Variants in PCLAF observed in about 807,000 individuals in gnomAD.
PCLAF encodes the protein PCNA clamp associated factor, also known as PCNA-associated factor.
Under a neutral mutation model 15.1 loss-of-function variants are expected in PCLAF, and 12 were observed. The ratio of observed to expected loss-of-function variants is 0.79; its 90% confidence interval spans 0.51 to 1.29. The LOEUF (loss-of-function observed/expected upper bound fraction) is 1.29, where lower values mean the gene tolerates loss of function less well. Among genes scored for constraint, PCLAF ranks in the 50% most tolerant of loss-of-function variants. PCLAF has a pLI of 0.00. For missense variants in PCLAF, 116 were observed against 130.9 expected (o/e 0.89, Z 0.56); for synonymous variants, 33 against 47.1 (o/e 0.70, Z 1.22).
At chr15:64,374,042 T>C (rs1899476781) in intron 3 of PCLAF, among the ~76,000 whole-genome samples, 1 of 152,162 alleles carries the variant, frequency 6.6e-6, no homozygotes, top group Non-Finnish European at 1.5e-5. Flanking sequence ...TGCAAATTTT[T>C]TGTTAAAAGT....
At chr15:64,369,323 T>C (rs1472377605) in intron 3 of PCLAF, among the ~76,000 whole-genome samples, 1 of 131,346 alleles carries the variant, frequency 7.6e-6, no homozygotes, top group African/African-American at 2.9e-5. Context: ...ATCTCACCAC[T>C]GCACTCCAGC....
chr15:64,375,443 C>T (rs1336637076), intron 3 of PCLAF, among the ~76,000 whole-genome samples: 1 of 151,998 alleles, frequency 6.6e-6, no homozygotes, highest in Non-Finnish European at 1.5e-5. Flanking sequence ...CAGGTCCTCA[C>T]TCTGCCACCC....
rs570568065 is a variant in PCLAF, at chr15:64,371,657, G to A, written c.290+5086C>T. Among the ~76,000 whole-genome samples the A allele has an allele frequency of 2.6e-5, 4 of 152,204 alleles. No individual in the cohort carries two copies. The South Asian group carries it at 6.2e-4, about 24-fold the overall frequency. ...CTCGCTCTGTCACCCAGGCAGGAGT[G>A]CAGTGGCGCAATCTTGGCTCACTCC... On this transcript the variant is annotated intron_variant, in intron 3 of 3. Coordinates refer to ENST00000300035, the MANE Select transcript of PCLAF (RefSeq NM_014736.6).
chr15:64,370,163 C>T (rs551948117), intron 3 of PCLAF, among the ~76,000 whole-genome samples: 30 of 150,556 alleles, frequency 2.0e-4, no homozygotes, highest in Non-Finnish European at 3.4e-4. Context: ...ACTGCAGCCT[C>T]GAATGCCTGG....
chr15:64,381,168 C>G, intron 1 of PCLAF, 130 bp from the exon 2 acceptor site: 1 of 1,186,344 alleles, frequency 8.4e-7, no homozygotes, highest in Non-Finnish European at 1.2e-6. Flanking sequence ...CCTGCCCCTG[C>G]GACTTCCTCT....
chr15:64,383,403 T>G (rs567595437), upstream of PCLAF, among the ~76,000 whole-genome samples: 12 of 151,652 alleles, frequency 7.9e-5, no homozygotes, highest in African/African-American at 2.9e-4. Context: ...GTCTCACTTC[T>G]TCGCCCAGGT....
At chr15:64,382,044 G>T (rs1313511454), upstream of PCLAF, among the ~76,000 whole-genome samples, 3 of 152,066 alleles carry the variant, frequency 2.0e-5, no homozygotes, top group Non-Finnish European at 4.4e-5. Context: ...CACATAAAAA[G>T]AAACTAATAA....
upstream of PCLAF, chr15:64,381,496 G>T (rs116766191): frequency 1.3e-6 from 2 of 1,576,974 alleles, no homozygotes; most frequent in Admixed American, 3.6e-5. Flanking sequence ...CGCGCTCCAA[G>T]GTCTCTCCCG....
At chr15:64,366,912 G>T (rs942484561) in intron 3 of PCLAF, among the ~76,000 whole-genome samples, 1 of 151,994 alleles carries the variant, frequency 6.6e-6, no homozygotes, top group South Asian at 2.1e-4. Context: ...GGTGGAGCTT[G>T]AAGTGAGCTG....
At chr15:64,372,480 G>A (rs949350329) in intron 3 of PCLAF, among the ~76,000 whole-genome samples, 32 of 151,858 alleles carry the variant, frequency 2.1e-4, no homozygotes, top group African/African-American at 6.8e-4. Flanking sequence ...CGGGCGTGGC[G>A]GCGTGCGCCT....
chr15:64,381,543 G>A, upstream of PCLAF: 1 of 1,485,626 alleles, frequency 6.7e-7, no homozygotes, highest in Non-Finnish European at 9.0e-7. Flanking sequence ...CGTTCCCCCT[G>A]AACCAATTGC....
In PCLAF at chr15:64,364,541, A is replaced by T. The variant is rs1898955786; in HGVS notation, c.*1489T>A. 1 of 152,070 alleles carries T rather than the reference A, an allele frequency of 6.6e-6. No individual in the cohort carries two copies. The highest frequency in any genetic ancestry group is 2.4e-5 in the African/African-American group (1 of 41,400). 9.4% of individuals were successfully genotyped at this position (152,070 alleles called of 1,614,324 possible). A position where few individuals can be genotyped will look rare whatever the true frequency, so the allele number is the denominator to read the frequency against. ...GCCTTTCATGTTATATTGACTTCCA[A>T]CTTTAAAATTATATTTTATGATAGC... On this transcript the variant is annotated 3_prime_UTR_variant, in exon 4 of 4. Transcript: ENST00000300035.
chr15:64,383,272 A>G (rs1323062367), upstream of PCLAF, among the ~76,000 whole-genome samples: 1 of 152,162 alleles, frequency 6.6e-6, no homozygotes, highest in African/African-American at 2.4e-5. Flanking sequence ...ATCTAAGGTT[A>G]CAGCCAAATC....
chr15:64,381,115 G>T, intron 1 of PCLAF, 77 bp from the exon 2 acceptor site: 1 of 1,410,086 alleles, frequency 7.1e-7, no homozygotes. Flanking sequence ...CCAGCAGCTT[G>T]GAGAGGAGAG....
At chr15:64,382,932 CA>C (rs1219156031), upstream of PCLAF, 1 of 189,552 alleles carries the variant, frequency 5.3e-6, no homozygotes, top group Non-Finnish European at 1.1e-5. Context: ...GCGGAGGTTG[CA>C]GTGAGCCGAG....
At chr15:64,381,586 T>G (rs940298443), upstream of PCLAF, 4 of 1,375,490 alleles carry the variant, frequency 2.9e-6, no homozygotes, top group Non-Finnish European at 3.8e-6. Context: ...CGAGGCTTCT[T>G]GCAGCGCGAA....
exon 1 of PCLAF, chr15:64,387,461 C>T (rs1899972649): frequency 7.9e-7 from 1 of 1,266,266 alleles, no homozygotes; most frequent in East Asian, 6.1e-5. Flanking sequence ...CTTACAATAC[C>T]TTCCACGTGC....
intron 2 of PCLAF, among the ~76,000 whole-genome samples, chr15:64,380,586 C>T (rs1162672359): frequency 6.6e-6 from 1 of 151,910 alleles, no homozygotes; most frequent in Non-Finnish European, 1.5e-5. Flanking sequence ...TACCTGTAGC[C>T]CCAGCTACTT....
rs376046794 is a variant in PCLAF, at chr15:64,368,975, G to A, written c.291-2900C>T. On this transcript the variant is annotated intron_variant, in intron 3 of 3. Transcript: ENST00000300035. ...ATCAGCTTGTTCCTGTTGGAAAAAAGAACGAGGAAGAAAGGTGCCAGACAA... is the reference window on the plus strand; with the variant it reads ...ATCAGCTTGTTCCTGTTGGAAAAAAAAACGAGGAAGAAAGGTGCCAGACAA... 2.0e-5 allele frequency among the ~76,000 whole-genome samples: 3 copies of A among 152,144 alleles called. No homozygotes were observed. In the East Asian group the frequency reaches 5.8e-4, roughly 29 times the overall value.
Sources: gnomAD v4.1 joint callset for allele counts (sites outside exome capture counted in the v4.1 genomes callset) on GRCh38, gnomAD v4.1.1 for gene constraint, MANE v1.5 for transcripts, NCBI Gene and HGNC (gene_info 2026-07-23, HGNC 2026-07-21) for gene names.